Variants in KLHL1 observed in about 807,000 individuals in gnomAD.
KLHL1 encodes kelch like family member 1, also known as kelch-like protein 1.
KLHL1 carries 47 observed loss-of-function variants against 77.7 expected under a neutral mutation model. That is an observed-to-expected ratio of 0.60 (90% CI 0.48 to 0.77). The LOEUF (loss-of-function observed/expected upper bound fraction) is 0.77. Ranked by LOEUF, KLHL1 falls within the 30% of genes least tolerant of loss-of-function variation. The probability of loss-of-function intolerance (pLI) is 0.00; values close to 1 mark genes in which losing one functional copy is unlikely to be tolerated. For synonymous variants in KLHL1, 360 were observed against 325.2 expected (o/e 1.11, Z -1.15); for missense variants, 925 against 910.8 (o/e 1.02, Z -0.20).
chr13:70,059,252 G>A (rs1012049145), intron 1 of KLHL1, among the ~76,000 whole-genome samples: 2 of 151,332 alleles, frequency 1.3e-5, no homozygotes, highest in Non-Finnish European at 2.9e-5. Flanking sequence ...TCTGCCTACT[G>A]GGTTCAAATG....
intron 4 of KLHL1, among the ~76,000 whole-genome samples, chr13:69,926,138 A>C (rs1340995448): frequency 6.6e-6 from 1 of 152,138 alleles, no homozygotes; most frequent in African/African-American, 2.4e-5. Context: ...TTTAATCATC[A>C]CAGCTGTTCG....
intron 1 of KLHL1, among the ~76,000 whole-genome samples, chr13:70,088,908 T>G (rs1396095383): frequency 1.3e-5 from 2 of 152,152 alleles, no homozygotes; most frequent in African/African-American, 4.8e-5. Context: ...GAAAACAACC[T>G]TGGCTCATAA....
chr13:69,943,224 C>T (rs1883417780), intron 3 of KLHL1, among the ~76,000 whole-genome samples: 1 of 151,316 alleles, frequency 6.6e-6, no homozygotes. Context: ...TAGGCAGTAT[C>T]TGACAGATTT....
chr13:70,020,509 A>T (rs576473023), intron 1 of KLHL1, among the ~76,000 whole-genome samples: 1 of 152,098 alleles, frequency 6.6e-6, no homozygotes, highest in African/African-American at 2.4e-5. Flanking sequence ...CATTTTCCTC[A>T]GTATGCTACA....
intron 8 of KLHL1, among the ~76,000 whole-genome samples, chr13:69,729,700 G>C (rs1327467039): frequency 6.6e-6 from 1 of 151,946 alleles, no homozygotes; most frequent in African/African-American, 2.4e-5. Flanking sequence ...GAATTTTAAA[G>C]CCATTAAATC....
chr13:69,799,345 T>C (rs17085397), intron 6 of KLHL1, among the ~76,000 whole-genome samples: 17,672 of 152,158 alleles, frequency 0.12, 1,224 homozygotes, highest in African/African-American at 0.19. Flanking sequence ...TGAGTGAAAT[T>C]AAGACTTCCG....
intron 1 of KLHL1, among the ~76,000 whole-genome samples, chr13:69,992,571 C>G (rs1885053481): frequency 6.6e-6 from 1 of 151,838 alleles, no homozygotes; most frequent in Non-Finnish European, 1.5e-5. Flanking sequence ...CACAGAAGGC[C>G]AAAAAATTCA....
intron 4 of KLHL1, among the ~76,000 whole-genome samples, chr13:69,908,035 T>C (rs1882098183): frequency 6.6e-6 from 1 of 151,990 alleles, no homozygotes; most frequent in Non-Finnish European, 1.5e-5. Context: ...GACAAGATAA[T>C]TACTTTAATT....
At chr13:70,018,683 G>A (rs1398872029) in intron 1 of KLHL1, among the ~76,000 whole-genome samples, 1 of 149,846 alleles carries the variant, frequency 6.7e-6, no homozygotes, top group Non-Finnish European at 1.5e-5. Flanking sequence ...AATCCAAAGA[G>A]ATGTTTCCAA....
At chr13:69,763,380 G>C (rs189475707) in intron 7 of KLHL1, among the ~76,000 whole-genome samples, 4 of 152,278 alleles carry the variant, frequency 2.6e-5, no homozygotes, top group Admixed American at 6.5e-5. Flanking sequence ...GGTTCATGGA[G>C]ACTTTTGCTA....
chr13:69,771,527 G>T (rs977774856), intron 7 of KLHL1, among the ~76,000 whole-genome samples: 1 of 152,172 alleles, frequency 6.6e-6, no homozygotes, highest in Non-Finnish European at 1.5e-5. Context: ...AAGGTCTCTT[G>T]TCTGTCATTT....
chr13:69,994,520 T>C (rs1456135589), intron 1 of KLHL1, among the ~76,000 whole-genome samples: 1 of 152,120 alleles, frequency 6.6e-6, no homozygotes, highest in Non-Finnish European at 1.5e-5. Context: ...ACTCCTTCTA[T>C]TTATGCCCAA....
chr13:69,871,766 T>C (rs1880596566), intron 5 of KLHL1, among the ~76,000 whole-genome samples: 1 of 151,808 alleles, frequency 6.6e-6, no homozygotes. Flanking sequence ...AAGGGTGACC[T>C]TTGCTCCAGT....
At chr13:69,878,736 TGAGAGA>T (rs927201840) in intron 5 of KLHL1, among the ~76,000 whole-genome samples, 2 of 130,378 alleles carry the variant, frequency 1.5e-5, no homozygotes, top group East Asian at 2.2e-4. Context: ...AGAGAGAGAG[TGAGAGA>T]GAGAAAGATT....
At chr13:70,083,214 A>G (rs1422450230) in intron 1 of KLHL1, among the ~76,000 whole-genome samples, 1 of 152,206 alleles carries the variant, frequency 6.6e-6, no homozygotes, top group Non-Finnish European at 1.5e-5. Flanking sequence ...ATAAATATTA[A>G]TCAAAATTAC....
chr13:69,854,287 T>C (rs925237202), intron 5 of KLHL1, among the ~76,000 whole-genome samples: 25 of 151,782 alleles, frequency 1.6e-4, no homozygotes, highest in African/African-American at 6.0e-4. Context: ...TTTCTACTCA[T>C]TGAGGAAGAT....
At chr13:69,871,184 C>G (rs1217959462) in intron 5 of KLHL1, among the ~76,000 whole-genome samples, 1 of 152,120 alleles carries the variant, frequency 6.6e-6, no homozygotes, top group Non-Finnish European at 1.5e-5. Flanking sequence ...CACTTGTGCC[C>G]TCCGGAACAA....
At chr13:69,906,714 A>G (rs1044853687) in intron 4 of KLHL1, among the ~76,000 whole-genome samples, 2 of 151,974 alleles carry the variant, frequency 1.3e-5, no homozygotes, top group South Asian at 2.1e-4. Flanking sequence ...ACAAAAATTT[A>G]TATTCTGACT....
chr13:69,870,827 G>T (rs905450168), intron 5 of KLHL1, among the ~76,000 whole-genome samples: 3 of 151,906 alleles, frequency 2.0e-5, no homozygotes, highest in African/African-American at 7.2e-5. Context: ...GGCACCTGGG[G>T]CACACTAGTG....
Sources: gnomAD v4.1 joint callset for allele counts (sites outside exome capture counted in the v4.1 genomes callset) on GRCh38, gnomAD v4.1.1 for gene constraint, MANE v1.5 for transcripts, NCBI Gene and HGNC (gene_info 2026-07-23, HGNC 2026-07-21) for gene names.